Variants in GCLC observed in about 807,000 individuals in gnomAD.
GCLC encodes glutamate-cysteine ligase catalytic subunit.
A neutral mutation model predicts 81.5 loss-of-function variants in GCLC; 30 were observed. That is an observed-to-expected ratio of 0.37 (90% CI 0.28 to 0.50). GCLC has a LOEUF of 0.50. GCLC is among the 20% of genes least tolerant of loss of function. The pLI is 0.96. For missense variants in GCLC, 556 were observed against 777.4 expected, an observed-to-expected ratio of 0.72 and a Z score of 3.39; for synonymous variants, 262 against 273.3, an observed-to-expected ratio of 0.96 and a Z score of 0.41.
chr6:53,543,445 GAA>G (rs11290203), intron 1 of GCLC, among the ~76,000 whole-genome samples: 182 of 145,276 alleles, frequency 1.3e-3, no homozygotes, highest in East Asian at 0.01. Flanking sequence ...CCCAATCTTA[GAA>G]AAAAAAAAAA....
At chr6:53,511,396 T>C (rs1369540433) in intron 6 of GCLC, among the ~76,000 whole-genome samples, 1 of 152,220 alleles carries the variant, frequency 6.6e-6, no homozygotes, top group Non-Finnish European at 1.5e-5. Context: ...TTAGGTCTTT[T>C]TTGTGTTGCT....
intron 2 of GCLC, among the ~76,000 whole-genome samples, chr6:53,522,133 G>A (rs1263082654): frequency 6.6e-6 from 1 of 152,150 alleles, no homozygotes; most frequent in Non-Finnish European, 1.5e-5. Flanking sequence ...ACTGTACAAA[G>A]TGCTTCATAT....
At chr6:53,523,704 C>T (rs9474578) in intron 1 of GCLC, among the ~76,000 whole-genome samples, 2,812 of 152,184 alleles carry the variant, frequency 0.018, 84 homozygotes, top group African/African-American at 0.064. Context: ...TTTCCCTGGT[C>T]TTGGAAGGCA....
At position 53,514,982 on chromosome 6, in the gene GCLC, A is replaced by G. The variant is rs1368331135; in HGVS notation, c.561-485T>C. Among the ~76,000 whole-genome samples the G allele has an allele frequency of 2.0e-5, 3 of 152,300 alleles. No homozygotes were observed. In the East Asian group the frequency reaches 5.8e-4, roughly 29 times the overall value. ...GTTTAGTCCAGAAGCTACCAGGCAC[A>G]CAGTGGCCACTGAGTACTTGAAATA... On this transcript the variant is annotated intron_variant, in intron 4 of 15. Coordinates refer to ENST00000650454, the MANE Select transcript of GCLC (RefSeq NM_001498.4).
chr6:53,502,323 T>C (rs1240031969), intron 12 of GCLC, among the ~76,000 whole-genome samples: 2 of 152,368 alleles, frequency 1.3e-5, no homozygotes, highest in African/African-American at 2.4e-5. Flanking sequence ...TTTACCTCCA[T>C]TAATCCCCAC....
At chr6:53,511,440 TA>T (rs1209787273) in intron 6 of GCLC, among the ~76,000 whole-genome samples, 1 of 152,206 alleles carries the variant, frequency 6.6e-6, no homozygotes, top group Non-Finnish European at 1.5e-5. Context: ...TTTTTGTTTT[TA>T]AAAAGATACT....
chr6:53,536,538 C>T (rs193204816), intron 1 of GCLC, among the ~76,000 whole-genome samples: 186 of 152,208 alleles, frequency 1.2e-3, no homozygotes, highest in Non-Finnish European at 2.1e-3. Flanking sequence ...TTAGCAAGCT[C>T]GTTAGGATAT....
rs1266684640 is a variant in GCLC at position 53,544,897 on chromosome 6, G to C, written c.-252C>G. ...AAGGCAGAAGACCGAGAGCAGGCGG[G>C]ACGGCTCTCGGCCCGGCGGCCTCGC... is the stretch of plus-strand genomic sequence containing the variant. On this transcript the variant is annotated 5_prime_UTR_variant, in exon 1 of 16. Coordinates refer to ENST00000650454, the MANE Select transcript of GCLC (RefSeq NM_001498.4). The C allele has an allele frequency of 3.1e-6, 1 of 324,986 alleles. No individual in the cohort carries two copies. The highest frequency in any genetic ancestry group is 2.2e-5 in the African/African-American group (1 of 45,732). The allele number at this position is 324,986 out of a possible 1,614,324, so 20.1% of individuals were successfully genotyped here.
At chr6:53,509,034 C>T (rs541672628) in intron 7 of GCLC, 142 bp downstream of exon 7, 4 of 674,576 alleles carry the variant, frequency 5.9e-6, no homozygotes, top group African/African-American at 5.3e-5. Context: ...TTCATTATAC[C>T]TAAACCTACA....
rs200246491 is a variant in GCLC, at chr6:53,508,605, C to A, written c.935G>T (p.Arg312Leu). The change falls in exon 8 of 16, where the codon CGA becomes CTA. Residue 312 changes from arginine to leucine, a missense_variant. Around this residue, in one of 3 missense-constraint regions of GCLC, gnomAD observed 313 missense variants for 437.3 expected, o/e 0.72. Transcript: ENST00000650454. ...AAAAACAATTCCCACCTCCAGTCCT[C>A]GCTCCTCCCGAGTTCTATCATCTAC... ...ASVDDRTREE[R>L]GLEPLKNNNY... The A allele has an allele frequency of 6.2e-7, 1 of 1,600,558 alleles. No homozygotes were observed. Among genetic ancestry groups the A allele is most frequent in the Non-Finnish European group, 8.6e-7 (1 of 1,167,712 alleles).
At chr6:53,539,622 A>G (rs1401825405) in intron 1 of GCLC, among the ~76,000 whole-genome samples, 1 of 86,368 alleles carries the variant, frequency 1.2e-5, no homozygotes, top group East Asian at 4.2e-4. Context: ...CTTTTTTTTA[A>G]TCCAAGTCCA....
Position 53,508,723 on chromosome 6 carries a change from C to CAA in GCLC, c.829-14_829-13dup, listed in dbSNP as rs775810653. The CAA allele has an allele frequency of 6.2e-5, 96 of 1,542,598 alleles. No homozygotes were observed. The highest frequency in any genetic ancestry group is 1.5e-5 in the Non-Finnish European group (17 of 1,115,124). On this transcript the variant is annotated splice_polypyrimidine_tract_variant and intron_variant, in intron 7 of 15. Coordinates refer to ENST00000650454, the MANE Select transcript of GCLC (RefSeq NM_001498.4). ...GCACTCAAAGCCATCTAAAAACAAA[C>CAA]AAAAGTCAGCTCCTGCAAATTCAAA...
In GCLC at chr6:53,522,518, T is replaced by C; in HGVS notation, c.160A>G (p.Met54Val). 2 of 1,588,718 alleles carry C rather than the reference T, an allele frequency of 1.3e-6. No individual in the cohort carries two copies. The highest frequency in any genetic ancestry group is 2.2e-5 in the East Asian group (1 of 44,754). ...TTTTCATGATCAAAAGATACCAACA[T>C]GTATTCCACCTATTGAAAATAAAGG... ...VLKWGDEVEY[M>V]LVSFDHENKK... The change falls in exon 2 of 16, where the codon ATG becomes GTG. Residue 54 changes from methionine (M) to valine (V), a missense_variant. Transcript: ENST00000650454.
chr6:53,527,394 A>C (rs1763101124), intron 1 of GCLC, among the ~76,000 whole-genome samples: 1 of 152,210 alleles, frequency 6.6e-6, no homozygotes, highest in Admixed American at 6.5e-5. Flanking sequence ...ACTAACTCCT[A>C]AACAAGCCTG....
intron 2 of GCLC, among the ~76,000 whole-genome samples, chr6:53,521,336 G>A (rs1293885425): frequency 6.6e-6 from 1 of 152,000 alleles, no homozygotes; most frequent in African/African-American, 2.4e-5. Flanking sequence ...TGTATTTTTA[G>A]TAGAGATGGG....
intron 2 of GCLC, among the ~76,000 whole-genome samples, chr6:53,521,514 AC>A (rs565567704): frequency 3.2e-4 from 49 of 152,146 alleles, no homozygotes; most frequent in South Asian, 2.9e-3. Flanking sequence ...GGACAAACTA[AC>A]CTACTCTGCA....
At chr6:53,543,547 A>G (rs1319563075) in intron 1 of GCLC, among the ~76,000 whole-genome samples, 1 of 152,238 alleles carries the variant, frequency 6.6e-6, no homozygotes, top group East Asian at 1.9e-4. Context: ...GCCAAAAGAT[A>G]AACAATTTAC....
intron 8 of GCLC, 33 bp from the exon 9 acceptor site, chr6:53,507,651 CT>C: frequency 1.0e-6 from 1 of 961,486 alleles, no homozygotes; most frequent in South Asian, 1.5e-5. Flanking sequence ...AATGAATATG[CT>C]ATATAAAATG....
intron 2 of GCLC, 128 bp downstream of exon 2, chr6:53,522,287 G>A (rs1427492737): frequency 2.9e-6 from 2 of 687,734 alleles, no homozygotes; most frequent in Non-Finnish European, 5.3e-6. Flanking sequence ...TTGAAACTAT[G>A]GCAACCTGAA....
Sources: gnomAD v4.1 joint callset for allele counts (sites outside exome capture counted in the v4.1 genomes callset) on GRCh38, gnomAD v4.1.1 for gene constraint, gnomAD v4.1.1 regional missense constraint, MANE v1.5 for transcripts, NCBI Gene and HGNC (gene_info 2026-07-23, HGNC 2026-07-21) for gene names.